The following PTPRN2 variants were observed in gnomAD, a reference collection of about 807,000 sequenced individuals.
The protein encoded by PTPRN2 is receptor-type tyrosine-protein phosphatase N2.
Under a neutral mutation model 118.8 loss-of-function variants are expected in PTPRN2, and 74 were observed. The ratio of observed to expected loss-of-function variants is 0.62; its 90% CI spans 0.52 to 0.76. PTPRN2 has a LOEUF of 0.76. PTPRN2 is among the 30% of genes least tolerant of loss of function. The pLI is 0.00. For missense variants in PTPRN2, 1,481 were observed against 1,394.4 expected (o/e 1.06, Z -0.99); for synonymous variants, 641 against 608.0 (o/e 1.05, Z -0.80).
In PTPRN2 at chr7:158,319,472, A is replaced by ATAGCCTCCCT. The variant is rs1563131335; in HGVS notation, c.164-2541_164-2540insAGGGAGGCTA. Among the ~76,000 whole-genome samples, 2 of 56,570 alleles carry ATAGCCTCCCT rather than the reference A, an allele frequency of 3.5e-5. 1 individual carries two copies. Among genetic ancestry groups the ATAGCCTCCCT allele is most frequent in the Non-Finnish European group, 7.4e-5 (2 of 26,960 alleles). 37.1% of individuals were successfully genotyped at this position (56,570 alleles called of 152,430 possible). On this transcript the variant is annotated intron_variant, in intron 2 of 22. Coordinates refer to ENST00000389418, the MANE Select transcript of PTPRN2 (RefSeq NM_002847.5). ...CACACGCACACAGCCTCCCTCACAC[A>ATAGCCTCCCT]CAAGCACAGCCTCCCTCACACTCAC...
chr7:158,197,043 C>T lies in PTPRN2; in HGVS notation c.381-4548G>A, dbSNP rs111637606. Among the ~76,000 whole-genome samples the T allele has an allele frequency of 1.7e-3, 253 of 151,956 alleles. 2 individuals are homozygous for T. The highest frequency in any genetic ancestry group is 5.7e-3 in the African/African-American group (238 of 41,406). ...ATATACATGTATGTGTGTGTGTGTG[C>T]GTGTGCATGTGTATCTCCTTTCACA... On this transcript the variant is annotated intron_variant, in intron 4 of 22. Transcript: ENST00000389418.
chr7:158,585,528 G>A (rs1828861504), intron 1 of PTPRN2, among the ~76,000 whole-genome samples: 1 of 152,208 alleles, frequency 6.6e-6, no homozygotes, highest in Non-Finnish European at 1.5e-5. Context: ...AGAGCCGAGG[G>A]AAACATGGCA....
intron 7 of PTPRN2, among the ~76,000 whole-genome samples, chr7:158,138,009 C>G (rs1485277433): frequency 6.6e-6 from 1 of 152,212 alleles, no homozygotes; most frequent in Non-Finnish European, 1.5e-5. Context: ...CCAAACACAA[C>G]ACTTCCCATC....
At chr7:157,738,319 G>A (rs1392003367) in intron 12 of PTPRN2, among the ~76,000 whole-genome samples, 6 of 152,172 alleles carry the variant, frequency 3.9e-5, no homozygotes, top group Non-Finnish European at 8.8e-5. Flanking sequence ...AGAGGGGAGG[G>A]AGGTGCTGGG....
In PTPRN2 at chr7:157,582,657, C is replaced by CTT. The variant is rs745893500; in HGVS notation, c.2497-4518_2497-4517insAA. 1.5e-3 allele frequency among the ~76,000 whole-genome samples: 222 copies of CTT among 151,432 alleles called. 3 individuals carry two copies. The highest frequency in any genetic ancestry group is 2.5e-3 in the Non-Finnish European group (171 of 67,466). On this transcript the variant is annotated intron_variant, in intron 17 of 22. Coordinates refer to ENST00000389418, the MANE Select transcript of PTPRN2 (RefSeq NM_002847.5). ...TTGGGAGGCCGAGGCAGGTGGATCA[C>CTT]GAGGTCAGGAGTTCGAGACCAGCCT... is the stretch of plus-strand genomic sequence containing the variant.
At chr7:157,738,303 C>A (rs574418805) in intron 12 of PTPRN2, among the ~76,000 whole-genome samples, 3 of 152,128 alleles carry the variant, frequency 2.0e-5, no homozygotes, top group Admixed American at 6.5e-5. Flanking sequence ...GGGAAGGAGG[C>A]GCCCCAGAGG....
intron 6 of PTPRN2, among the ~76,000 whole-genome samples, chr7:158,158,077 C>G (rs1821994760): frequency 6.6e-6 from 1 of 151,266 alleles, no homozygotes; most frequent in Non-Finnish European, 1.5e-5. Flanking sequence ...TTTTTTAAGC[C>G]AAGAGGCGTG....
At chr7:157,928,360 C>T (rs922012888) in intron 11 of PTPRN2, among the ~76,000 whole-genome samples, 7 of 152,172 alleles carry the variant, frequency 4.6e-5, no homozygotes, top group African/African-American at 1.7e-4. Flanking sequence ...TGCACCCAGC[C>T]TCCCTGAGAA....
chr7:157,888,130 C>A (rs983418877), intron 12 of PTPRN2, among the ~76,000 whole-genome samples: 3 of 151,858 alleles, frequency 2.0e-5, no homozygotes, highest in African/African-American at 7.3e-5. Flanking sequence ...TCTGAGATTG[C>A]TGGAGTGTTA....
At chr7:158,258,966 G>A (rs567558807) in intron 3 of PTPRN2, among the ~76,000 whole-genome samples, 1 of 152,172 alleles carries the variant, frequency 6.6e-6, no homozygotes, top group African/African-American at 2.4e-5. Flanking sequence ...AGGATCCAGA[G>A]TGGGGTGAGG....
At chr7:158,409,969 T>C (rs778526574) in intron 2 of PTPRN2, among the ~76,000 whole-genome samples, 1 of 152,192 alleles carries the variant, frequency 6.6e-6, no homozygotes, top group African/African-American at 2.4e-5. Flanking sequence ...GAAGATGGGG[T>C]GTGCCCCCAC....
rs1200830912 is a variant in PTPRN2, at chr7:158,365,671, T to A, written c.164-48739A>T. On this transcript the variant is annotated intron_variant, in intron 2 of 22. Transcript: ENST00000389418. The stretch of plus-strand genomic sequence containing the variant: ...CCAATGCACACGCACACACACAGCA[T>A]CCCTGGGAGAAGCCGCAGCCCAATG... Among the ~76,000 whole-genome samples the A allele has an allele frequency of 3.9e-4, 43 of 110,328 alleles. 2 individuals are homozygous for A. The highest frequency in any genetic ancestry group is 1.6e-3 in the African/African-American group (40 of 24,326). The allele number at this position is 110,328 out of a possible 152,430, so 72.4% of individuals were successfully genotyped here. A position where few individuals can be genotyped will look rare whatever the true frequency, so the allele number is the denominator to read the frequency against.
intron 1 of PTPRN2, among the ~76,000 whole-genome samples, chr7:158,492,526 A>G (rs1409781136): frequency 1.3e-5 from 2 of 152,208 alleles, no homozygotes; most frequent in Non-Finnish European, 2.9e-5. Context: ...TGTTACTGGC[A>G]TGTGCCCAAC....
At chr7:157,921,356 G>A (rs756531302) in intron 11 of PTPRN2, among the ~76,000 whole-genome samples, 8 of 152,194 alleles carry the variant, frequency 5.3e-5, no homozygotes, top group South Asian at 2.1e-4. Context: ...GAGCACAGAG[G>A]CTTTCATGAC....
intron 3 of PTPRN2, among the ~76,000 whole-genome samples, chr7:158,255,935 T>C (rs1158964113): frequency 6.6e-6 from 1 of 152,204 alleles, no homozygotes; most frequent in Non-Finnish European, 1.5e-5. Flanking sequence ...TGCTCAGAAC[T>C]ACCCAGCCTC....
chr7:158,325,929 A>G (rs753081888), intron 2 of PTPRN2, among the ~76,000 whole-genome samples: 9 of 152,252 alleles, frequency 5.9e-5, no homozygotes, highest in Non-Finnish European at 1.2e-4. Context: ...ACGGGCAGTC[A>G]GTCTCACAGC....
At chr7:158,087,773 CCCTG>C in intron 10 of PTPRN2, among the ~76,000 whole-genome samples, 1 of 131,776 alleles carries the variant, frequency 7.6e-6, no homozygotes, top group East Asian at 2.5e-4. Flanking sequence ...ATCCTTCTTC[CCCTG>C]ATGAAAGGGG....
At chr7:157,878,541 G>A (rs1160775847) in intron 12 of PTPRN2, among the ~76,000 whole-genome samples, 1 of 144,950 alleles carries the variant, frequency 6.9e-6, no homozygotes, top group East Asian at 2.1e-4. Context: ...GGGGCTTGAC[G>A]GGTCAGTGTG....
At chr7:157,980,545 C>T (rs1262508648) in intron 11 of PTPRN2, among the ~76,000 whole-genome samples, 2 of 152,112 alleles carry the variant, frequency 1.3e-5, no homozygotes, top group Non-Finnish European at 2.9e-5. Context: ...GAGGTCAGGA[C>T]TTCGAGACCA....
Sources: gnomAD v4.1 joint callset for allele counts (sites outside exome capture counted in the v4.1 genomes callset) on GRCh38, gnomAD v4.1.1 for gene constraint, MANE v1.5 for transcripts, NCBI Gene and HGNC (gene_info 2026-07-23, HGNC 2026-07-21) for gene names.